Variants in LARGE1 observed in about 807,000 individuals in gnomAD.
LARGE1 encodes xylosyl- and glucuronyltransferase LARGE1.
Under a neutral mutation model 87.6 loss-of-function variants are expected in LARGE1, and 43 were observed. The observed-to-expected ratio is 0.49, with a 90% CI of 0.38 to 0.63. LARGE1 has a LOEUF of 0.63. Among genes scored for constraint, LARGE1 ranks in the 30% least tolerant of loss-of-function variants. The probability of loss-of-function intolerance (pLI) is 0.00; values close to 1 mark genes in which losing one functional copy is unlikely to be tolerated. For synonymous variants in LARGE1, 434 were observed against 394.6 expected, an observed-to-expected ratio of 1.10 and a Z score of -1.18; for missense variants, 802 against 1,000.2, an observed-to-expected ratio of 0.80 and a Z score of 2.67.
At chr22:33,646,579 A>T (rs2149164739) in intron 3 of LARGE1, among the ~76,000 whole-genome samples, 1 of 144,086 alleles carries the variant, frequency 6.9e-6, no homozygotes, top group African/African-American at 2.4e-5. Flanking sequence ...CTGCACATGT[A>T]CTCCAGAATT....
At chr22:33,630,173 T>C (rs1160077855) in intron 3 of LARGE1, among the ~76,000 whole-genome samples, 2 of 151,962 alleles carry the variant, frequency 1.3e-5, no homozygotes, top group Admixed American at 6.6e-5. Flanking sequence ...CACTCCAGCC[T>C]GGGCAACAAG....
At chr22:33,868,226 A>T (rs1267785827) in intron 1 of LARGE1, among the ~76,000 whole-genome samples, 1 of 152,118 alleles carries the variant, frequency 6.6e-6, no homozygotes, top group East Asian at 1.9e-4. Flanking sequence ...GCACCCTGTA[A>T]TCCATGGGAC....
At position 33,785,997 on chromosome 22, in the gene LARGE1, A is replaced by T. The variant is rs530292100; in HGVS notation, c.-82-24439T>A. Among the ~76,000 whole-genome samples, 8 of 152,352 alleles carry T rather than the reference A, an allele frequency of 5.3e-5. No homozygotes were observed. In the East Asian group the frequency reaches 1.5e-3, roughly 29 times the overall value. ...AGGACTGTTTAAAATGCACAGTACC[A>T]GAAGCCACAGGCAGCACTAAATTGC... On this transcript the variant is annotated intron_variant, in intron 1 of 14. Coordinates refer to ENST00000397394, the MANE Select transcript of LARGE1 (RefSeq NM_133642.5).
chr22:33,164,197 T>C (rs1922144025), exon 12 of LARGE1: 1 of 152,170 alleles, frequency 6.6e-6, no homozygotes, highest in Non-Finnish European at 1.5e-5. Flanking sequence ...TTGCAGTTTA[T>C]GTCCGTTTTT....
At chr22:33,486,947 G>A (rs1222843071) in intron 6 of LARGE1, among the ~76,000 whole-genome samples, 1 of 152,176 alleles carries the variant, frequency 6.6e-6, no homozygotes, top group Non-Finnish European at 1.5e-5. Flanking sequence ...TTATATAACT[G>A]TGCTCTTATT....
intron 7 of LARGE1, among the ~76,000 whole-genome samples, chr22:33,395,710 C>T (rs2147258259): frequency 6.6e-6 from 1 of 152,246 alleles, no homozygotes; most frequent in East Asian, 1.9e-4. Context: ...TGGATGACTC[C>T]TTTGAATGAG....
At chr22:33,090,147 G>C in the LARGE1 span, among the ~76,000 whole-genome samples, 1 of 152,160 alleles carries the variant, frequency 6.6e-6, no homozygotes, top group East Asian at 1.9e-4. Flanking sequence ...AGAGGTTGCA[G>C]ATAGCCGAGA....
At chr22:33,632,508 G>A (rs1433065570) in intron 3 of LARGE1, among the ~76,000 whole-genome samples, 1 of 151,482 alleles carries the variant, frequency 6.6e-6, no homozygotes, top group Non-Finnish European at 1.5e-5. Context: ...GGCACCAGTG[G>A]GGGTCTCAGA....
chr22:33,675,574 C>T (rs2081554853), intron 2 of LARGE1, among the ~76,000 whole-genome samples: 1 of 152,072 alleles, frequency 6.6e-6, no homozygotes, highest in African/African-American at 2.4e-5. Context: ...GTGGGTGAAA[C>T]AGGGTGAACA....
intron 1 of LARGE1, among the ~76,000 whole-genome samples, chr22:33,761,787 C>T (rs1019123817): frequency 2.6e-5 from 4 of 152,100 alleles, no homozygotes; most frequent in Admixed American, 1.3e-4. Flanking sequence ...CACACACACA[C>T]AAACACGCAC....
intron 6 of LARGE1, among the ~76,000 whole-genome samples, chr22:33,554,593 A>C (rs1297199908): frequency 6.6e-6 from 1 of 152,118 alleles, no homozygotes; most frequent in Non-Finnish European, 1.5e-5. Context: ...TCTGACTCCA[A>C]GGCTAACATC....
intron 1 of LARGE1, among the ~76,000 whole-genome samples, chr22:33,871,042 ACACAGCC>A (rs2064264202): frequency 1.3e-5 from 2 of 152,374 alleles, no homozygotes; most frequent in South Asian, 4.1e-4. Context: ...AGGTCTGGTG[ACACAGCC>A]CACATCCCTA....
chr22:33,493,451 G>A (rs776573403), intron 6 of LARGE1, among the ~76,000 whole-genome samples: 27 of 152,054 alleles, frequency 1.8e-4, no homozygotes, highest in South Asian at 2.1e-4. Flanking sequence ...GTGAGCCACC[G>A]TGCCCGGCCT....
At chr22:33,379,825 C>T (rs554441795) in intron 9 of LARGE1, among the ~76,000 whole-genome samples, 53 of 152,136 alleles carry the variant, frequency 3.5e-4, no homozygotes, top group Non-Finnish European at 6.0e-4. Flanking sequence ...CTCTAAGACA[C>T]CTCATTAGCA....
At chr22:33,493,829 T>C (rs1181434585) in intron 6 of LARGE1, among the ~76,000 whole-genome samples, 1 of 152,182 alleles carries the variant, frequency 6.6e-6, no homozygotes. Context: ...CTGCATAGTA[T>C]AGAGCTAATA....
chr22:33,208,410 A>G (rs564318040), intron 11 of LARGE1, among the ~76,000 whole-genome samples: 5 of 152,310 alleles, frequency 3.3e-5, no homozygotes, highest in African/African-American at 1.2e-4. Flanking sequence ...AATCAACAAG[A>G]TAAGTACAAG....
chr22:33,473,880 A>T (rs1427273310), intron 6 of LARGE1, among the ~76,000 whole-genome samples: 1 of 152,226 alleles, frequency 6.6e-6, no homozygotes, highest in African/African-American at 2.4e-5. Flanking sequence ...CTGTTCTATG[A>T]GTATGCGACT....
intron 6 of LARGE1, among the ~76,000 whole-genome samples, chr22:33,450,461 AAATT>A (rs994762014): frequency 1.4e-5 from 2 of 139,580 alleles, no homozygotes; most frequent in African/African-American, 5.6e-5. Flanking sequence ...AAAAAAAAAA[AAATT>A]AGCCAGGTGT....
chr22:33,512,665 TG>T (rs2071111100), intron 6 of LARGE1, among the ~76,000 whole-genome samples: 2 of 151,396 alleles, frequency 1.3e-5, no homozygotes, highest in Admixed American at 1.3e-4. Context: ...TAGCCGGGAG[TG>T]GTGGCAGGCG....
Sources: gnomAD v4.1 joint callset for allele counts (sites outside exome capture counted in the v4.1 genomes callset) on GRCh38, gnomAD v4.1.1 for gene constraint, MANE v1.5 for transcripts, NCBI Gene and HGNC (gene_info 2026-07-23, HGNC 2026-07-21) for gene names.